Variants in THY1 observed in about 807,000 individuals in gnomAD.
THY1 encodes the protein thy-1 membrane glycoprotein.
THY1 carries 10 observed loss-of-function variants against 14.9 expected under a neutral mutation model. The observed-to-expected ratio is 0.67, with a 90% confidence interval of 0.41 to 1.14. The LOEUF (loss-of-function observed/expected upper bound fraction) is 1.14, where lower values mean the gene tolerates loss of function less well. Ranked by LOEUF, THY1 falls within the 50% of genes most tolerant of loss-of-function variation. The pLI is 0.00. For synonymous variants in THY1, 80 were observed against 90.0 expected, an observed-to-expected ratio of 0.89 and a Z score of 0.63; for missense variants, 159 against 202.1, an observed-to-expected ratio of 0.79 and a Z score of 1.29.
rs1861833089 is a variant in THY1, at chr11:119,418,818, T to C, written c.*590A>G. ...GGAGGGCTGCCCTTTTTATTTTTTT[T>C]TGGTTGTGGCTGAGAATGCTGGAGA... is the stretch of plus-strand genomic sequence containing the variant. On this transcript the variant is annotated 3_prime_UTR_variant, in exon 4 of 4. Transcript: ENST00000284240. 6.2e-6 allele frequency: 1 copy of C among 160,090 alleles called. No individual in the cohort carries two copies. The allele number at this position is 160,090 out of a possible 1,614,324, so 9.9% of individuals were successfully genotyped here.
upstream of THY1, chr11:119,423,494 C>G: frequency 3.0e-6 from 1 of 335,082 alleles, no homozygotes; most frequent in Non-Finnish European, 5.9e-6. Flanking sequence ...GGCTTTAACC[C>G]TTTCTTCTGA....
intron 3 of THY1, 162 bp downstream of exon 3, chr11:119,419,889 T>C (rs1861862264): frequency 2.5e-6 from 2 of 811,208 alleles, no homozygotes; most frequent in Non-Finnish European, 3.8e-6. Context: ...CTTCACCCCA[T>C]TCACACCGAA....
chr11:119,422,542 C>T lies in THY1; in HGVS notation c.-25+571G>A, dbSNP rs1052289716. The T allele has an allele frequency of 5.6e-6, 1 of 179,650 alleles. No homozygotes were observed. Among genetic ancestry groups the T allele is most frequent in the African/African-American group, 2.4e-5 (1 of 41,496 alleles). The allele number at this position is 179,650 out of a possible 1,614,324, so 11.1% of individuals were successfully genotyped here. On this transcript the variant is annotated intron_variant, in intron 1 of 3. Coordinates refer to ENST00000284240, the MANE Select transcript of THY1 (RefSeq NM_006288.5). This position sits in a 1 kb window ranked among gnomAD's most constrained non-coding sequence, Gnocchi z 7.0. ...CTCATCCTTAATCCATTTCCGTATTCCAATCCTCTCCTTTCCCAAATGAGT... is the reference window on the plus strand; with the variant it reads ...CTCATCCTTAATCCATTTCCGTATTTCAATCCTCTCCTTTCCCAAATGAGT...
chr11:119,419,931 T>G (rs577982339), intron 3 of THY1, 120 bp downstream of exon 3: 1 of 1,111,148 alleles, frequency 9.0e-7, no homozygotes, highest in Non-Finnish European at 1.3e-6. Flanking sequence ...CAGGCAGCAG[T>G]TGGGAGAGGG....
chr11:119,423,020 C>T (rs1192252703), intron 1 of THY1, 93 bp downstream of exon 1: 3 of 455,872 alleles, frequency 6.6e-6, no homozygotes, highest in South Asian at 1.5e-5. Context: ...TGGGCGCCCT[C>T]GGACCGTGGC....
At chr11:119,419,945 G>C in intron 3 of THY1, 106 bp downstream of exon 3, 1 of 1,224,062 alleles carries the variant, frequency 8.2e-7, no homozygotes, top group Non-Finnish European at 1.1e-6. Context: ...GAGAGGGTGA[G>C]AGCGTTATGG....
intron 2 of THY1, 39 bp downstream of exon 2, chr11:119,420,830 A>G (rs1861885530): frequency 6.2e-7 from 1 of 1,613,544 alleles, no homozygotes; most frequent in Non-Finnish European, 8.5e-7. Context: ...GAAGGAAGCC[A>G]GGGCGCCTGG....
chr11:119,423,761 C>T (rs45506295), upstream of THY1: 4,649 of 154,946 alleles, frequency 0.03, 123 homozygotes, highest in Non-Finnish European at 0.039. Context: ...ATTTCGCCCC[C>T]TCATCTATTC....
At chr11:119,420,839 G>A in intron 2 of THY1, 30 bp downstream of exon 2, 1 of 1,613,776 alleles carries the variant, frequency 6.2e-7, no homozygotes, top group South Asian at 1.1e-5. Flanking sequence ...CAGGGCGCCT[G>A]GAGCCCCAGT....
intron 3 of THY1, 30 bp from the exon 4 acceptor site, chr11:119,419,550 G>A: frequency 6.3e-7 from 1 of 1,585,776 alleles, no homozygotes; most frequent in Non-Finnish European, 8.6e-7. Flanking sequence ...CCGGGGGCAG[G>A]GTAGGAAGGA....
intron 1 of THY1, 57 bp downstream of exon 1, chr11:119,423,055 TG>T: frequency 2.2e-6 from 1 of 456,044 alleles, no homozygotes; most frequent in Admixed American, 2.3e-5. Flanking sequence ...TGGGAAGTCT[TG>T]CATGGGCGCC....
rs576319413 is a variant in THY1, at chr11:119,415,624, A to G, written c.*3784T>C. On this transcript the variant is annotated 3_prime_UTR_variant, in exon 4 of 4. Coordinates refer to ENST00000284240, the MANE Select transcript of THY1 (RefSeq NM_006288.5). ...TGGTGCAGAGCCACACTTGGCCTCC[A>G]TGAAGCTGCCACATTGGTCCTACCC... Among the ~76,000 whole-genome samples, 13 of 152,194 alleles carry G rather than the reference A, an allele frequency of 8.5e-5. No individual in the cohort carries two copies. Among genetic ancestry groups the G allele is most frequent in the Non-Finnish European group, 1.8e-4 (12 of 68,026 alleles).
rs759563736 is a variant in THY1, at chr11:119,420,122, G to A, written c.302C>T (p.Thr101Ile). The A allele has an allele frequency of 3.7e-6, 6 of 1,614,240 alleles. No individual in the cohort carries two copies. In the South Asian group the frequency reaches 5.5e-5, roughly 15 times the overall value. ...AGAGTGGTGGAGTGCACACGTGTAG[G>A]TGCCCTCGTCCTTGCTAGTGAAGGC... ...LSAFTSKDEG[T>I]YTCALHHSGH... The change falls in exon 3 of 4, where the codon ACC (threonine) becomes ATC (isoleucine). Residue 101 changes from threonine to isoleucine, a missense_variant. Coordinates refer to ENST00000284240, the MANE Select transcript of THY1 (RefSeq NM_006288.5).
rs1378479110 is a variant in THY1, at chr11:119,420,298, A to G, written c.126T>C (p.Asn42=). 1 of 1,614,166 alleles carries G rather than the reference A, an allele frequency of 6.2e-7. No individual in the cohort carries two copies. Among genetic ancestry groups the G allele is most frequent in the Admixed American group, 1.7e-5 (1 of 60,024 alleles). ...QSLRLDCRHE[N]TSSSPIQYEF... ...CGTACTGGATGGGTGAACTGCTGGT[A>G]TTCTCATGGCGGCAGTCCAGACGAA... Residue 42 remains asparagine, a synonymous_variant, in exon 3 of 4, where the codon AAT becomes AAC. Coordinates refer to ENST00000284240, the MANE Select transcript of THY1 (RefSeq NM_006288.5).
chr11:119,419,597 C>A, intron 3 of THY1, 77 bp from the exon 4 acceptor site: 1 of 1,156,758 alleles, frequency 8.6e-7, no homozygotes, highest in South Asian at 1.3e-5. Context: ...AGGCCCAAAG[C>A]AAGGGTGTAC....
Position 119,418,937 on chromosome 11 carries a change from T to TGA in THY1, c.*470_*471insTC. On this transcript the variant is annotated 3_prime_UTR_variant, in exon 4 of 4. Transcript: ENST00000284240. ...GGCACCAGCCATGCCTGCCGAGGAG[T>TGA]GCTGTCAGGACAGACCATGTCCGTG... The TGA allele has an allele frequency of 5.3e-6, 1 of 190,358 alleles. No homozygotes were observed. 11.8% of individuals were successfully genotyped at this position (190,358 alleles called of 1,614,324 possible). A position where few individuals can be genotyped will look rare whatever the true frequency, so the allele number is the denominator to read the frequency against.
At chr11:119,423,206 G>A (rs1401369039), upstream of THY1, 12 of 453,856 alleles carry the variant, frequency 2.6e-5, no homozygotes, top group Middle Eastern at 8.8e-4. Context: ...TTTCACCGGG[G>A]ATGGAGGAGA....
rs779657162 is a variant in THY1, at chr11:119,420,046, C to T, written c.373+5G>A. 1.1e-5 allele frequency: 18 copies of T among 1,607,016 alleles called. No homozygotes were observed. Among genetic ancestry groups the T allele is most frequent in the African/African-American group, 1.3e-5 (1 of 74,988 alleles). On this transcript the variant is annotated splice_donor_5th_base_variant and intron_variant, in intron 3 of 3. Transcript: ENST00000284240. ...TCACTTGACCTTGTTAGGGGCTTGT[C>T]TCACCTCTGAGCACTGTGACGTTCT...
chr11:119,419,183 GAACA>G lies in THY1; in HGVS notation c.*221_*224del, dbSNP rs141386701. ...AATAAACCAGACAGAAGCAGCTCTG[GAACA>G]AAAAGTACAAAAAGACAGCCAGAGG... On this transcript the variant is annotated 3_prime_UTR_variant, in exon 4 of 4. Coordinates refer to ENST00000284240, the MANE Select transcript of THY1 (RefSeq NM_006288.5). 11,191 of 581,094 alleles carry G rather than the reference GAACA, an allele frequency of 0.019. 158 individuals are homozygous for G. Among genetic ancestry groups the G allele is most frequent in the Middle Eastern group, 0.028 (70 of 2,542 alleles). The allele number at this position is 581,094 out of a possible 1,614,324, so 36.0% of individuals were successfully genotyped here.
Sources: allele counts gnomAD v4.1 joint callset (sites outside exome capture counted in the v4.1 genomes callset), GRCh38; gene constraint gnomAD v4.1.1; non-coding constraint Gnocchi (gnomAD v3.1); transcripts MANE v1.5; gene names NCBI Gene and HGNC (gene_info 2026-07-23, HGNC 2026-07-21).